ANKRD40: variants seen among roughly 807,000 people sequenced by gnomAD.
The protein encoded by ANKRD40 is ankyrin repeat domain-containing protein 40.
ANKRD40 carries 24 observed loss-of-function variants against 35.5 expected under a neutral mutation model. The ratio of observed to expected loss-of-function variants is 0.68; its 90% CI spans 0.49 to 0.95. ANKRD40 has a LOEUF of 0.95. ANKRD40 is among the 40% of genes least tolerant of loss of function. The pLI, the probability that ANKRD40 is intolerant of heterozygous loss-of-function variation, is 0.00. For missense variants in ANKRD40, 361 were observed against 436.0 expected (o/e 0.83, Z 1.53); for synonymous variants, 147 against 173.5 (o/e 0.85, Z 1.20).
intron 1 of ANKRD40, among the ~76,000 whole-genome samples, chr17:50,704,137 A>C (rs1968301807): frequency 6.6e-6 from 1 of 151,886 alleles, no homozygotes; most frequent in Non-Finnish European, 1.5e-5. Context: ...AGCAGGCTTG[A>C]GGTGGTAGAG....
chr17:50,696,887 C>A, intron 4 of ANKRD40, 53 bp downstream of exon 4: 30 of 1,492,540 alleles, frequency 2.0e-5, no homozygotes, highest in Non-Finnish European at 2.5e-5. Context: ...AAGGAGGGGG[C>A]TAGGTATTTT....
intron 3 of ANKRD40, among the ~76,000 whole-genome samples, chr17:50,697,872 G>T (rs1354150622): frequency 6.6e-6 from 1 of 152,198 alleles, no homozygotes; most frequent in Non-Finnish European, 1.5e-5. Flanking sequence ...CAGGAAGTGA[G>T]AGAGTTACTT....
chr17:50,700,303 C>T (rs957376634), intron 2 of ANKRD40: 3 of 316,784 alleles, frequency 9.5e-6, no homozygotes, highest in Non-Finnish European at 1.7e-5. Context: ...ATTAGCGAGA[C>T]GTGGTGGCAC....
Position 50,699,859 on chromosome 17 carries a change from G to GTC in ANKRD40, c.316_317dup (p.Asp106GlufsTer7). On this transcript the variant is annotated frameshift_variant, in exon 3 of 5. Coordinates refer to ENST00000285243, the MANE Select transcript of ANKRD40 (RefSeq NM_052855.4). LOFTEE classifies it high-confidence loss of function. The stretch of plus-strand genomic sequence containing the variant: ...ACTCCTTCTTCAGCTGGGGGAGGTT[G>GTC]TCATCATCATCATCATCATCATCTT... The GTC allele has an allele frequency of 6.6e-7, 1 of 1,515,648 alleles. No individual in the cohort carries two copies. The highest frequency in any genetic ancestry group is 8.8e-7 in the Non-Finnish European group (1 of 1,133,044). 93.9% of individuals were successfully genotyped at this position (1,515,648 alleles called of 1,614,324 possible). A position where few individuals can be genotyped will look rare whatever the true frequency, so the allele number is the denominator to read the frequency against.
chr17:50,699,136 G>GT (rs1353404272), intron 3 of ANKRD40, among the ~76,000 whole-genome samples: 1 of 152,118 alleles, frequency 6.6e-6, no homozygotes, highest in Non-Finnish European at 1.5e-5. Context: ...TCCAGCCTGG[G>GT]TGACAGGGCG....
intron 1 of ANKRD40, among the ~76,000 whole-genome samples, chr17:50,703,403 G>A (rs956855530): frequency 6.6e-6 from 1 of 152,220 alleles, no homozygotes; most frequent in Non-Finnish European, 1.5e-5. Context: ...CAGTACGCTA[G>A]GTGGTGATGA....
chr17:50,696,188 T>A, intron 4 of ANKRD40, 45 bp from the exon 5 acceptor site: 1 of 1,592,156 alleles, frequency 6.3e-7, no homozygotes. Flanking sequence ...GCCACTTGTC[T>A]CCATATGTTT....
intron 1 of ANKRD40, among the ~76,000 whole-genome samples, chr17:50,702,769 C>T (rs1358587132): frequency 2.0e-5 from 3 of 152,134 alleles, no homozygotes; most frequent in African/African-American, 7.2e-5. Flanking sequence ...GTCAACATAG[C>T]GTGGCCCCCA....
In ANKRD40 at chr17:50,695,776, G is replaced by C. The variant is rs1247829378; in HGVS notation, c.*221C>G. The C allele has an allele frequency of 1.3e-5, 6 of 472,098 alleles. No homozygotes were observed. The highest frequency in any genetic ancestry group is 1.9e-5 in the Non-Finnish European group (5 of 269,472). The allele number at this position is 472,098 out of a possible 1,614,324, so 29.2% of individuals were successfully genotyped here. ...CCAGACCACTTCTCAGCTGTTCAAAGCTTCAAGCAATAGGTTTACTGTGCA... is the reference window on the plus strand; with the variant it reads ...CCAGACCACTTCTCAGCTGTTCAAACCTTCAAGCAATAGGTTTACTGTGCA... On this transcript the variant is annotated 3_prime_UTR_variant, in exon 5 of 5. Coordinates refer to ENST00000285243, the MANE Select transcript of ANKRD40 (RefSeq NM_052855.4).
chr17:50,697,633 A>G (rs1015486868), intron 3 of ANKRD40, among the ~76,000 whole-genome samples: 1 of 152,260 alleles, frequency 6.6e-6, no homozygotes, highest in Admixed American at 6.5e-5. Context: ...AATAAAAGCT[A>G]AAGTATAACT....
Position 50,707,477 on chromosome 17 carries a change from C to T in ANKRD40, c.134+44G>A. The T allele has an allele frequency of 6.3e-7, 1 of 1,583,446 alleles. No individual in the cohort carries two copies. Among genetic ancestry groups the T allele is most frequent in the Non-Finnish European group, 8.6e-7 (1 of 1,165,422 alleles). ...TCGCGACTGACTGCCCCACGCCTTC[C>T]GACCGGCTGCCCTGACCCTAGGCCT... On this transcript the variant is annotated intron_variant, in intron 1 of 4. Coordinates refer to ENST00000285243, the MANE Select transcript of ANKRD40 (RefSeq NM_052855.4). The surrounding 1 kb of genome is among the most constrained non-coding windows in gnomAD (Gnocchi z 4.8).
At chr17:50,701,911 T>C (rs868413724) in intron 1 of ANKRD40, among the ~76,000 whole-genome samples, 4 of 152,192 alleles carry the variant, frequency 2.6e-5, no homozygotes, top group African/African-American at 4.8e-5. Context: ...AGCAATTCCA[T>C]TGATGTCTCA....
intron 1 of ANKRD40, among the ~76,000 whole-genome samples, chr17:50,706,163 C>T (rs1420208240): frequency 1.3e-5 from 2 of 151,362 alleles, no homozygotes; most frequent in African/African-American, 4.9e-5. Context: ...GCTCTGTCGC[C>T]CAGGCTGGAG....
At chr17:50,702,170 C>T (rs1968279890) in intron 1 of ANKRD40, among the ~76,000 whole-genome samples, 1 of 152,084 alleles carries the variant, frequency 6.6e-6, no homozygotes, top group African/African-American at 2.4e-5. Context: ...TTAGGGAGGC[C>T]AAGGCAGGTG....
chr17:50,705,138 AAAG>A (rs1249006793), intron 1 of ANKRD40, among the ~76,000 whole-genome samples: 3 of 151,902 alleles, frequency 2.0e-5, no homozygotes, highest in African/African-American at 4.8e-5. Context: ...AAAAAAAAAA[AAAG>A]AACCCTATCC....
chr17:50,705,230 G>C (rs1451842676), intron 1 of ANKRD40, among the ~76,000 whole-genome samples: 1 of 151,880 alleles, frequency 6.6e-6, no homozygotes, highest in Non-Finnish European at 1.5e-5. Context: ...TACTCTTCTG[G>C]AACAAGTAGA....
intron 1 of ANKRD40, among the ~76,000 whole-genome samples, chr17:50,702,506 G>A (rs1297571352): frequency 6.6e-6 from 1 of 152,188 alleles, no homozygotes; most frequent in East Asian, 1.9e-4. Flanking sequence ...AACCTTGAGT[G>A]TGTTTGTGTG....
Position 50,707,130 on chromosome 17 carries a change from C to T in ANKRD40, c.134+391G>A, listed in dbSNP as rs1597869878. ...TTTGCTCAGTTGCTTATGCTTTTAG[C>T]TCTGCAAGATGCGTTCTCCAGAAGC... On this transcript the variant is annotated intron_variant, in intron 1 of 4. Coordinates refer to ENST00000285243, the MANE Select transcript of ANKRD40 (RefSeq NM_052855.4). The surrounding 1 kb of genome is among the most constrained non-coding windows in gnomAD (Gnocchi z 4.8). Among the ~76,000 whole-genome samples, 1 of 152,084 alleles carries T rather than the reference C, an allele frequency of 6.6e-6. No individual in the cohort carries two copies. The highest frequency in any genetic ancestry group is 1.5e-5 in the Non-Finnish European group (1 of 68,014).
rs1423404863 is a variant in ANKRD40 at position 50,696,084 on chromosome 17, A to C, written c.1020T>G (p.Ser340Arg). The change falls in exon 5 of 5, where the codon AGT (serine) becomes AGG (arginine). Residue 340 changes from serine to arginine, a missense_variant. Physicochemically the swap from Ser to Arg is moderately radical, Grantham distance 110 (BLOSUM62 -1). Coordinates refer to ENST00000285243, the MANE Select transcript of ANKRD40 (RefSeq NM_052855.4). ...CATTTCTGAACAGAAAATTATTTTC[A>C]CTTATCATCAGAACCAGTTCCAGCT... The part of the protein sequence containing the change: ...FQELELVLMI[S>R]ENNFLFRNAA... 2 of 1,614,196 alleles carry C rather than the reference A, an allele frequency of 1.2e-6. No homozygotes were observed. The highest frequency in any genetic ancestry group is 8.5e-7 in the Non-Finnish European group (1 of 1,180,028).
Sources: gnomAD v4.1 joint callset for allele counts (sites outside exome capture counted in the v4.1 genomes callset) on GRCh38, gnomAD v4.1.1 for gene constraint, Gnocchi (gnomAD v3.1) non-coding constraint, MANE v1.5 for transcripts, NCBI Gene and HGNC (gene_info 2026-07-23, HGNC 2026-07-21) for gene names.